Variants in CNTN5 observed in about 807,000 individuals in gnomAD.
CNTN5 encodes the protein contactin-5.
CNTN5 carries 77 observed loss-of-function variants against 129.1 expected under a neutral mutation model. The ratio of observed to expected loss-of-function variants is 0.60; its 90% CI spans 0.50 to 0.72. The LOEUF is 0.72. CNTN5 is among the 30% of genes least tolerant of loss of function. The pLI, the probability that CNTN5 is intolerant of heterozygous loss-of-function variation, is 0.00. For missense variants in CNTN5, 1,478 were observed against 1,328.8 expected, an observed-to-expected ratio of 1.11 and a Z score of -1.75; for synonymous variants, 509 against 465.6, an observed-to-expected ratio of 1.09 and a Z score of -1.20.
At chr11:99,475,596 C>A (rs757996869) in intron 2 of CNTN5, among the ~76,000 whole-genome samples, 1 of 151,998 alleles carries the variant, frequency 6.6e-6, no homozygotes, top group Non-Finnish European at 1.5e-5. Context: ...ATTTAAACTT[C>A]CTGGAAATAT....
intron 1 of CNTN5, among the ~76,000 whole-genome samples, chr11:99,222,241 T>C (rs1555081729): frequency 5.3e-5 from 8 of 151,514 alleles, no homozygotes; most frequent in Non-Finnish European, 1.2e-4. Context: ...TATCCATCGA[T>C]ACAAACATGA....
intron 6 of CNTN5, among the ~76,000 whole-genome samples, chr11:99,905,545 T>G (rs925596939): frequency 3.9e-5 from 6 of 152,180 alleles, no homozygotes; most frequent in Non-Finnish European, 7.4e-5. Flanking sequence ...TACTGTAGCC[T>G]TGTAGTATAG....
chr11:99,235,047 T>C (rs942750097), intron 1 of CNTN5, among the ~76,000 whole-genome samples: 2 of 53,426 alleles, frequency 3.7e-5, no homozygotes, highest in Admixed American at 2.2e-4. Flanking sequence ...AAACCTACCC[T>C]TTTTCTTTTT....
intron 3 of CNTN5, among the ~76,000 whole-genome samples, chr11:99,819,061 T>G (rs916005752): frequency 6.6e-6 from 1 of 151,924 alleles, no homozygotes; most frequent in Non-Finnish European, 1.5e-5. Context: ...GTTTGTAGAA[T>G]ATAAGTGAAA....
chr11:99,287,645 G>C (rs939224388), intron 1 of CNTN5, among the ~76,000 whole-genome samples: 15 of 152,128 alleles, frequency 9.9e-5, no homozygotes, highest in African/African-American at 3.4e-4. Context: ...GAATTTAGTA[G>C]TTGACACTCA....
intron 1 of CNTN5, among the ~76,000 whole-genome samples, chr11:99,118,635 G>A (rs1419318197): frequency 6.6e-6 from 1 of 151,848 alleles, no homozygotes; most frequent in Non-Finnish European, 1.5e-5. Flanking sequence ...ACGAAAACAA[G>A]AACCTGAGTT....
At chr11:99,409,680 T>A (rs1190907271) in intron 2 of CNTN5, among the ~76,000 whole-genome samples, 1 of 152,168 alleles carries the variant, frequency 6.6e-6, no homozygotes, top group Non-Finnish European at 1.5e-5. Context: ...AGAAAAATAG[T>A]ATAGCAATAG....
chr11:99,844,711 CTATT>C, intron 4 of CNTN5, 137 bp from the exon 5 acceptor site: 1 of 696,554 alleles, frequency 1.4e-6, no homozygotes, highest in Non-Finnish European at 2.4e-6. Flanking sequence ...AGTTTTCTAG[CTATT>C]CCTTCTTTTG....
At chr11:99,064,202 C>G (rs1207952404) in intron 1 of CNTN5, among the ~76,000 whole-genome samples, 1 of 152,134 alleles carries the variant, frequency 6.6e-6, no homozygotes, top group African/African-American at 2.4e-5. Flanking sequence ...AACCAAGTTA[C>G]ATCATTTTCA....
intron 6 of CNTN5, among the ~76,000 whole-genome samples, chr11:99,879,550 C>G (rs1262747394): frequency 6.6e-6 from 1 of 152,136 alleles, no homozygotes; most frequent in Non-Finnish European, 1.5e-5. Flanking sequence ...ATCGATGTTA[C>G]TTCTGTCTAC....
intron 3 of CNTN5, among the ~76,000 whole-genome samples, chr11:99,693,352 T>A (rs903113657): frequency 6.6e-6 from 1 of 151,942 alleles, no homozygotes; most frequent in Non-Finnish European, 1.5e-5. Context: ...GAGCTTAGAG[T>A]TTGTTTTTAA....
chr11:99,086,469 G>A (rs946834270), intron 1 of CNTN5, among the ~76,000 whole-genome samples: 3 of 152,164 alleles, frequency 2.0e-5, no homozygotes, highest in African/African-American at 7.2e-5. Context: ...GGTGAAGTGG[G>A]GGGCCAGTGA....
intron 1 of CNTN5, among the ~76,000 whole-genome samples, chr11:99,300,668 G>C (rs1565474149): frequency 6.6e-6 from 1 of 151,796 alleles, no homozygotes; most frequent in Non-Finnish European, 1.5e-5. Context: ...TGATATCTCT[G>C]GGTTTAAAAC....
intron 1 of CNTN5, among the ~76,000 whole-genome samples, chr11:99,108,651 T>C (rs940675712): frequency 6.6e-6 from 1 of 152,214 alleles, no homozygotes; most frequent in African/African-American, 2.4e-5. Flanking sequence ...CAATATTCTA[T>C]CTTTCATGGA....
intron 3 of CNTN5, among the ~76,000 whole-genome samples, chr11:99,689,711 G>C (rs1316644731): frequency 6.6e-6 from 1 of 151,418 alleles, no homozygotes; most frequent in Non-Finnish European, 1.5e-5. Flanking sequence ...TATATTTCCT[G>C]GCCACATGTA....
chr11:100,284,905 T>G (rs145634216), intron 18 of CNTN5, among the ~76,000 whole-genome samples: 1 of 152,190 alleles, frequency 6.6e-6, no homozygotes, highest in Admixed American at 6.5e-5. Context: ...TAATGAAAGG[T>G]TGGAGTTTCA....
intron 3 of CNTN5, among the ~76,000 whole-genome samples, chr11:99,779,357 G>A (rs1285872918): frequency 1.3e-5 from 2 of 151,974 alleles, no homozygotes; most frequent in Non-Finnish European, 2.9e-5. Context: ...TTCAAGCAAA[G>A]TAGTTATAAA....
chr11:99,892,917 G>T (rs1218558043), intron 6 of CNTN5, among the ~76,000 whole-genome samples: 1 of 152,144 alleles, frequency 6.6e-6, no homozygotes, highest in Non-Finnish European at 1.5e-5. Context: ...ATAAGTTTGG[G>T]CAGTATGGCC....
rs144174127 is a variant in CNTN5, at chr11:99,856,527, G to T, written c.577+11265G>T. On this transcript the variant is annotated intron_variant, in intron 6 of 24. Coordinates refer to ENST00000524871, the MANE Select transcript of CNTN5 (RefSeq NM_014361.4). Reference sequence around the variant, plus strand: ...CTCAGATGTGATCAGAGTAACTTCTGTATGCCAGAGAGATGTTCTGCTCAT... The same window carrying T: ...CTCAGATGTGATCAGAGTAACTTCTTTATGCCAGAGAGATGTTCTGCTCAT... Among the ~76,000 whole-genome samples, 199 of 152,246 alleles carry T rather than the reference G, an allele frequency of 1.3e-3. 1 individual carries two copies. Among genetic ancestry groups the T allele is most frequent in the East Asian group, 6.0e-3 (31 of 5,176 alleles).
Sources: allele counts gnomAD v4.1 joint callset (sites outside exome capture counted in the v4.1 genomes callset), GRCh38; gene constraint gnomAD v4.1.1; transcripts MANE v1.5; gene names NCBI Gene and HGNC (gene_info 2026-07-23, HGNC 2026-07-21).